The following CUL9 variants were observed in gnomAD, a reference collection of about 807,000 sequenced individuals.
The protein encoded by CUL9 is cullin-9.
Under a neutral mutation model 272.6 loss-of-function variants are expected in CUL9, and 79 were observed. That is an observed-to-expected ratio of 0.29 (90% CI 0.24 to 0.35). CUL9 has a LOEUF of 0.35. Ranked by LOEUF, CUL9 falls within the 10% of genes least tolerant of loss-of-function variation. The probability of loss-of-function intolerance (pLI) is 1.00; values close to 1 mark genes in which losing one functional copy is unlikely to be tolerated. For missense variants in CUL9, 2,532 were observed against 3,255.6 expected (o/e 0.78, Z 5.41); for synonymous variants, 1,186 against 1,286.5 (o/e 0.92, Z 1.67).
intron 8 of CUL9, among the ~76,000 whole-genome samples, chr6:43,189,407 A>G (rs368225173): frequency 1.3e-3 from 205 of 152,218 alleles, no homozygotes; most frequent in African/African-American, 4.4e-3. Context: ...GATGGTCTCG[A>G]TCTTCTGACC....
At position 43,186,257 on chromosome 6, in the gene CUL9, C is replaced by A; in HGVS notation, c.1053C>A (p.Thr351=). 2 of 1,614,236 alleles carry A rather than the reference C, an allele frequency of 1.2e-6. No homozygotes were observed. The highest frequency in any genetic ancestry group is 1.7e-6 in the Non-Finnish European group (2 of 1,180,034). ...CAGGCCCCAGCCTTTTACTCCCCAC[C>A]ATTGTCACCACCCCCAGAAGACAAG... ...YISGPSLLLP[T]IVTTPRRQGW... The change falls in exon 4 of 41, where the codon ACC becomes ACA. Residue 351 remains threonine (T), a synonymous_variant. Coordinates refer to ENST00000252050, the MANE Select transcript of CUL9 (RefSeq NM_015089.4).
chr6:43,216,085 C>A, intron 30 of CUL9, 73 bp from the exon 31 acceptor site: 1 of 1,392,266 alleles, frequency 7.2e-7, no homozygotes, highest in Non-Finnish European at 9.9e-7. Context: ...GAGCTGGGGG[C>A]CAGGTGGGGT....
At chr6:43,211,202 A>G (rs1467760195) in intron 26 of CUL9, among the ~76,000 whole-genome samples, 9 of 152,252 alleles carry the variant, frequency 5.9e-5, no homozygotes, top group Non-Finnish European at 8.8e-5. Context: ...CACCATGCCA[A>G]TTGCTTTAGT....
intron 24 of CUL9, 110 bp from the exon 25 acceptor site, chr6:43,205,897 G>C: frequency 1.2e-6 from 1 of 842,780 alleles, no homozygotes; most frequent in Non-Finnish European, 1.9e-6. Context: ...AAGAGGTGAG[G>C]TAGGGTATGT....
rs145277223 is a variant in CUL9 at position 43,187,899 on chromosome 6, T to C, written c.1768T>C (p.Cys590Arg). ...SSSSTSRNHS[C>R]TPDPEEESKS... ...CTCGTCTACTTCACGAAATCACTCC[T>C]GTACCCCAGATCCAGAAGAGGAGTC... The change falls in exon 7 of 41, where the codon TGT (cysteine) becomes CGT (arginine). Residue 590 changes from cysteine (C) to arginine (R), a missense_variant. Around this residue, in one of 3 missense-constraint regions of CUL9, gnomAD observed 2,218 missense variants for 2,788.6 expected, o/e 0.80. Coordinates refer to ENST00000252050, the MANE Select transcript of CUL9 (RefSeq NM_015089.4). 5 of 1,613,988 alleles carry C rather than the reference T, an allele frequency of 3.1e-6. No homozygotes were observed. The African/African-American group carries it at 6.7e-5, about 22-fold the overall frequency.
Position 43,223,490 on chromosome 6 carries a change from G to GGGC in CUL9, c.7284+93_7284+94insGGC. The GGGC allele has an allele frequency of 5.5e-6, 8 of 1,467,798 alleles. No homozygotes were observed. The African/African-American group carries it at 1.1e-4, about 21-fold the overall frequency. 90.9% of individuals were successfully genotyped at this position (1,467,798 alleles called of 1,614,324 possible). A position where few individuals can be genotyped will look rare whatever the true frequency, so the allele number is the denominator to read the frequency against. The stretch of plus-strand genomic sequence containing the variant: ...CAGCCCCTGCCCTGGGGCGAGTCCA[G>GGGC]AAGGAAAGGCAGCAAAGCGGGTGAA... On this transcript the variant is annotated intron_variant, in intron 39 of 40. Transcript: ENST00000252050. The surrounding 1 kb of genome is among the most constrained non-coding windows in gnomAD (Gnocchi z 4.1).
chr6:43,203,096 C>T lies in CUL9; in HGVS notation c.3754-13C>T. 1 of 1,612,686 alleles carries T rather than the reference C, an allele frequency of 6.2e-7. No individual in the cohort carries two copies. Among genetic ancestry groups the T allele is most frequent in the South Asian group, 1.1e-5 (1 of 91,014 alleles). On this transcript the variant is annotated splice_polypyrimidine_tract_variant and intron_variant, in intron 17 of 40. Transcript: ENST00000252050. This position sits in a 1 kb window ranked among gnomAD's most constrained non-coding sequence, Gnocchi z 5.0. Reference sequence around the variant, plus strand: ...GGTGACAGTTCTCTCCCTCTTCTCCCCTGCCCTACCAGGTGAATGTGATGC... The same window carrying T: ...GGTGACAGTTCTCTCCCTCTTCTCCTCTGCCCTACCAGGTGAATGTGATGC...
intron 26 of CUL9, among the ~76,000 whole-genome samples, chr6:43,211,153 T>G (rs1775447320): frequency 6.6e-6 from 1 of 152,210 alleles, no homozygotes; most frequent in African/African-American, 2.4e-5. Context: ...CTTCCAACAT[T>G]GTCATTATTA....
intron 26 of CUL9, among the ~76,000 whole-genome samples, chr6:43,211,651 CA>C (rs200660391): frequency 0.01 from 1,544 of 152,254 alleles, 22 homozygotes; most frequent in African/African-American, 0.035. Flanking sequence ...TTTTCACCCT[CA>C]TTTAAAAAGT....
intron 1 of CUL9, among the ~76,000 whole-genome samples, chr6:43,183,345 C>T (rs565018294): frequency 6.6e-6 from 1 of 152,316 alleles, no homozygotes; most frequent in South Asian, 2.1e-4. Context: ...CCCCCTTTCA[C>T]AAGACTCGAA....
At chr6:43,202,879 C>T in intron 17 of CUL9, 58 bp downstream of exon 17, 1 of 1,507,764 alleles carries the variant, frequency 6.6e-7, no homozygotes, top group African/African-American at 1.4e-5. Flanking sequence ...TGTCCCAGTG[C>T]CTGTGGGAAG....
rs908602235 is a variant in CUL9, at chr6:43,203,311, G to T, written c.3850-106G>T. ...GGACCTGTTGAGTCCCAGAGATGTGGGGATGTCCTGAGCAGTTCTAGGGAG... is the reference window on the plus strand; with the variant it reads ...GGACCTGTTGAGTCCCAGAGATGTGTGGATGTCCTGAGCAGTTCTAGGGAG... On this transcript the variant is annotated intron_variant, in intron 18 of 40. Coordinates refer to ENST00000252050, the MANE Select transcript of CUL9 (RefSeq NM_015089.4). This position sits in a 1 kb window ranked among gnomAD's most constrained non-coding sequence, Gnocchi z 5.0. The T allele has an allele frequency of 6.6e-5, 105 of 1,592,562 alleles. No homozygotes were observed. Among genetic ancestry groups the T allele is most frequent in the Non-Finnish European group, 7.4e-5 (86 of 1,161,890 alleles).
chr6:43,187,527 TAGG>T (rs1773038701), intron 6 of CUL9, 88 bp downstream of exon 6: 1 of 1,427,400 alleles, frequency 7.0e-7, no homozygotes, highest in African/African-American at 1.4e-5. Flanking sequence ...GGTTACCGCT[TAGG>T]GGGAGGCTGG....
In CUL9 at chr6:43,213,894, T is replaced by C; in HGVS notation, c.5670T>C (p.Ile1890=). The C allele has an allele frequency of 1.2e-6, 2 of 1,614,014 alleles. No homozygotes were observed. The highest frequency in any genetic ancestry group is 1.7e-6 in the Non-Finnish European group (2 of 1,180,022). Residue 1890 remains isoleucine (I), a synonymous_variant, in exon 29 of 41, where the codon ATT becomes ATC. Transcript: ENST00000252050. This position sits in a 1 kb window ranked among gnomAD's most constrained non-coding sequence, Gnocchi z 5.7. ...CCCATGGGGAAAAGGGCCTCCACAT[T>C]GATCAGCTGGTTTGTCTGGTAGGCA... The part of the protein sequence containing the change: ...LKAHGEKGLH[I]DQLVCLVLEA...
chr6:43,203,871 G>T lies in CUL9; in HGVS notation c.4043G>T (p.Arg1348Leu), dbSNP rs762030908. The change falls in exon 20 of 41, where the codon CGC becomes CTC. Residue 1348 changes from arginine to leucine, a missense_variant. By Grantham distance (102) the Arg-to-Leu change is moderately radical. Transcript: ENST00000252050. This position sits in a 1 kb window ranked among gnomAD's most constrained non-coding sequence, Gnocchi z 5.0. ...QLCPRLNRVL[R>L]HEQNFADRFL... ...GTTCCCAGACTGAACAGGGTTTTGC[G>T]CCACGAGCAGAATTTTGCTGACCGC... 5.0e-6 allele frequency: 8 copies of T among 1,612,112 alleles called. No individual in the cohort carries two copies. The highest frequency in any genetic ancestry group is 1.3e-5 in the African/African-American group (1 of 74,976).
rs2150525369 is a variant in CUL9 at position 43,188,134 on chromosome 6, G to A, written c.1987+16G>A. ...GCAGCCAGTGGTGAGTCAGGTTCTG[G>A]GAGGAAGCAATTGGAACAAGTCCTG... On this transcript the variant is annotated intron_variant, in intron 7 of 40. Transcript: ENST00000252050. 6.2e-7 allele frequency: 1 copy of A among 1,613,026 alleles called. No homozygotes were observed. Among genetic ancestry groups the A allele is most frequent in the Non-Finnish European group, 8.5e-7 (1 of 1,179,968 alleles).
At chr6:43,198,501 T>G in intron 11 of CUL9, 108 bp from the exon 12 acceptor site, 13 of 1,532,240 alleles carry the variant, frequency 8.5e-6, no homozygotes, top group Non-Finnish European at 1.1e-5. Flanking sequence ...ACATCCTCAA[T>G]ATAGAAGGAA....
chr6:43,202,478 G>A (rs1435800364), intron 16 of CUL9, among the ~76,000 whole-genome samples: 1 of 152,230 alleles, frequency 6.6e-6, no homozygotes, highest in African/African-American at 2.4e-5. Context: ...AGGAACAGGA[G>A]CCTGAGAAAG....
In CUL9 at chr6:43,221,989, A is replaced by T. The variant is rs570415074; in HGVS notation, c.6846+211A>T. The T allele has an allele frequency of 1.7e-6, 1 of 599,010 alleles. No homozygotes were observed. The highest frequency in any genetic ancestry group is 2.1e-5 in the South Asian group (1 of 48,456). The allele number at this position is 599,010 out of a possible 1,614,324, so 37.1% of individuals were successfully genotyped here. ...CTTCAGCTCCAGAACAGGACTTCTCATACCGAGGTGGCTACAGAAAGGCTG... is the reference window on the plus strand; with the variant it reads ...CTTCAGCTCCAGAACAGGACTTCTCTTACCGAGGTGGCTACAGAAAGGCTG... On this transcript the variant is annotated intron_variant, in intron 35 of 40. Transcript: ENST00000252050. The surrounding 1 kb of genome is among the most constrained non-coding windows in gnomAD (Gnocchi z 4.2).
Sources: allele counts gnomAD v4.1 joint callset (sites outside exome capture counted in the v4.1 genomes callset), GRCh38; gene constraint gnomAD v4.1.1; regional missense constraint gnomAD v4.1.1; non-coding constraint Gnocchi (gnomAD v3.1); transcripts MANE v1.5; gene names NCBI Gene and HGNC (gene_info 2026-07-23, HGNC 2026-07-21).